GATM: variants seen among roughly 807,000 people sequenced by gnomAD.
GATM encodes glycine amidinotransferase, mitochondrial.
Under a neutral mutation model 54.2 loss-of-function variants are expected in GATM, and 23 were observed. The observed-to-expected ratio is 0.42, with a 90% CI of 0.31 to 0.60. The LOEUF (loss-of-function observed/expected upper bound fraction) is 0.60, where lower values mean the gene tolerates loss of function less well. GATM is among the 20% of genes least tolerant of loss of function. The pLI is 0.14. For missense variants in GATM, 401 were observed against 544.9 expected, an observed-to-expected ratio of 0.74 and a Z score of 2.63; for synonymous variants, 168 against 183.1, an observed-to-expected ratio of 0.92 and a Z score of 0.67.
rs8024550 is a variant in GATM, at chr15:45,378,483, A to C, written c.-30T>G. 0.024 allele frequency: 33,946 copies of C among 1,393,912 alleles called. 6,208 individuals are homozygous for C. The African/African-American group carries it at 0.42, about 17-fold the overall frequency. The allele number at this position is 1,393,912 out of a possible 1,614,324, so 86.3% of individuals were successfully genotyped here. A position where few individuals can be genotyped will look rare whatever the true frequency, so the allele number is the denominator to read the frequency against. On this transcript the variant is annotated 5_prime_UTR_variant, in exon 1 of 9. Transcript: ENST00000396659. ...CTGGCCCGGCTGGTCCACGCGCGGA[A>C]TGTTCCTGGCCTCTGGGCCGCGTCG...
At chr15:45,380,108 A>G (rs1281758748), upstream of GATM, 1 of 128,220 alleles carries the variant, frequency 7.8e-6, no homozygotes, top group East Asian at 2.5e-4. Context: ...TGGGCGACAG[A>G]GCTAGACTCC....
chr15:45,388,855 G>T (rs1889837018), intron 3 of GATM, among the ~76,000 whole-genome samples: 2 of 151,890 alleles, frequency 1.3e-5, no homozygotes, highest in Admixed American at 1.3e-4. Flanking sequence ...TTTATTCTTT[G>T]GAATTGAGTC....
At chr15:45,378,082 G>A (rs1889671242) in intron 1 of GATM, 1 of 347,612 alleles carries the variant, frequency 2.9e-6, no homozygotes, top group Non-Finnish European at 5.2e-6. Flanking sequence ...CGGTAGAGGG[G>A]GGCGGCGCCC....
At chr15:45,377,023 GTCT>G (rs1182187797) in intron 1 of GATM, 52 of 615,702 alleles carry the variant, frequency 8.4e-5, no homozygotes, top group South Asian at 7.1e-4. Flanking sequence ...TCTACAAATT[GTCT>G]TCTTATCTAT....
At chr15:45,380,182 C>CCAG (rs1444590024), upstream of GATM, 1 of 143,226 alleles carries the variant, frequency 7.0e-6, no homozygotes, top group Non-Finnish European at 1.5e-5. Flanking sequence ...GCCTGTAATC[C>CCAG]CAGCTACTGA....
intron 3 of GATM, chr15:45,396,353 AGTCC>A (rs1889930146): frequency 6.6e-6 from 1 of 152,234 alleles, no homozygotes; most frequent in Non-Finnish European, 1.5e-5. Context: ...ACTCAGATAT[AGTCC>A]TCAAACCAGT....
At chr15:45,378,606 G>A (rs1318425245), upstream of GATM, 2 of 535,398 alleles carry the variant, frequency 3.7e-6, no homozygotes, top group South Asian at 2.8e-5. Context: ...GCCCCCCGCG[G>A]CCCCATTGGC....
Position 45,376,595 on chromosome 15 carries a change from C to G in GATM, c.288+6G>C. 6.2e-7 allele frequency: 1 copy of G among 1,613,784 alleles called. No homozygotes were observed. The highest frequency in any genetic ancestry group is 2.2e-5 in the East Asian group (1 of 44,886). On this transcript the variant is annotated splice_donor_region_variant and intron_variant, in intron 2 of 8. Coordinates refer to ENST00000396659, the MANE Select transcript of GATM (RefSeq NM_001482.3). ...ACTTTCAGACATGTGAATAGCCTTC[C>G]TTTACCTTCACCTCGATGGTGAACG...
At chr15:45,378,844 T>C (rs1241624987), upstream of GATM, 1 of 209,080 alleles carries the variant, frequency 4.8e-6, no homozygotes, top group Non-Finnish European at 9.4e-6. Context: ...GTGACAATGG[T>C]CTATGCATAT....
At chr15:45,364,426 T>C (rs754776861) in intron 7 of GATM, 36 of 296,938 alleles carry the variant, frequency 1.2e-4, no homozygotes, top group Non-Finnish European at 2.1e-4. Context: ...CCCAGCTACT[T>C]AGGAAGCTGG....
chr15:45,362,439 G>A (rs1268304636), intron 8 of GATM, among the ~76,000 whole-genome samples: 1 of 152,104 alleles, frequency 6.6e-6, no homozygotes, highest in Non-Finnish European at 1.5e-5. Context: ...CTGAAGTTTT[G>A]TTCTATTGAC....
chr15:45,379,939 G>A (rs1239241958), upstream of GATM: 1 of 151,834 alleles, frequency 6.6e-6, no homozygotes, highest in Non-Finnish European at 1.5e-5. Context: ...GGCTAACATG[G>A]TGAAACCCCG....
Position 45,369,408 on chromosome 15 carries a change from T to A in GATM, c.402A>T (p.Leu134Phe). The change falls in exon 3 of 9, where the codon TTA (leucine) becomes TTT (phenylalanine). Residue 134 changes from leucine to phenylalanine, a missense_variant. Leu to Phe is a conservative substitution (Grantham distance 22). Transcript: ENST00000396659. Reference sequence around the variant, plus strand: ...TCCTTACTGTCACTCCTTCCGTTTTTAAAATATTGCACATTTCTTCAATTT... The same window carrying A: ...TCCTTACTGTCACTCCTTCCGTTTTAAAAATATTGCACATTTCTTCAATTT... ...VAEIEEMCNILKTEGVTVRRP... is the reference protein window; with the variant it reads ...VAEIEEMCNIFKTEGVTVRRP... 1 of 1,614,234 alleles carries A rather than the reference T, an allele frequency of 6.2e-7. No homozygotes were observed. The highest frequency in any genetic ancestry group is 1.3e-5 in the African/African-American group (1 of 75,068).
intron 3 of GATM, among the ~76,000 whole-genome samples, chr15:45,389,972 GC>G (rs1035865873): frequency 6.6e-6 from 1 of 151,642 alleles, no homozygotes; most frequent in African/African-American, 2.4e-5. Flanking sequence ...CAATTCTTGT[GC>G]CCCTGCCTCC....
chr15:45,393,840 CATTTTGG>C (rs1326496931), intron 3 of GATM, among the ~76,000 whole-genome samples: 1 of 152,148 alleles, frequency 6.6e-6, no homozygotes, highest in Non-Finnish European at 1.5e-5. Context: ...GAGCATTTTG[CATTTTGG>C]ATTTCTGGAT....
upstream of GATM, chr15:45,378,854 T>C (rs943792839): frequency 5.6e-6 from 1 of 180,052 alleles, no homozygotes; most frequent in Non-Finnish European, 1.1e-5. Context: ...TCTATGCATA[T>C]ATTAAGTGAA....
chr15:45,398,265 T>C (rs908805799), intron 2 of GATM, among the ~76,000 whole-genome samples: 1 of 152,178 alleles, frequency 6.6e-6, no homozygotes, highest in Non-Finnish European at 1.5e-5. Flanking sequence ...AATATATAAT[T>C]ATTATGTTTG....
At chr15:45,382,659 G>T (rs758800778), upstream of GATM, among the ~76,000 whole-genome samples, 1 of 151,942 alleles carries the variant, frequency 6.6e-6, no homozygotes, top group Non-Finnish European at 1.5e-5. Context: ...CAGGCGTGTT[G>T]GTGCACACCT....
At chr15:45,378,563 C>T (rs1362875792), upstream of GATM, 11 of 843,684 alleles carry the variant, frequency 1.3e-5, no homozygotes, top group East Asian at 3.5e-4. Flanking sequence ...GCGCGGGGCC[C>T]GAGGCCTTTT....
Sources: allele counts gnomAD v4.1 joint callset (sites outside exome capture counted in the v4.1 genomes callset), GRCh38; gene constraint gnomAD v4.1.1; transcripts MANE v1.5; gene names NCBI Gene and HGNC (gene_info 2026-07-23, HGNC 2026-07-21).